SDK2: variants seen among roughly 807,000 people sequenced by gnomAD.
The protein encoded by SDK2 is protein sidekick-2.
SDK2 carries 105 observed loss-of-function variants against 253.9 expected under a neutral mutation model. The ratio of observed to expected loss-of-function variants is 0.41; its 90% CI spans 0.35 to 0.49. The LOEUF is 0.49. SDK2 is among the 20% of genes least tolerant of loss of function. The pLI is 0.06. For missense variants in SDK2, 2,608 were observed against 3,003.0 expected (o/e 0.87, Z 3.07); for synonymous variants, 1,249 against 1,234.9 (o/e 1.01, Z -0.24).
intron 5 of SDK2, among the ~76,000 whole-genome samples, chr17:73,445,600 C>T (rs944291213): frequency 6.6e-6 from 1 of 151,866 alleles, no homozygotes; most frequent in East Asian, 1.9e-4. Flanking sequence ...GGAAGCGGTG[C>T]GGAGGGGAGA....
intron 40 of SDK2, among the ~76,000 whole-genome samples, chr17:73,353,126 TTCTTTTTATTAAAATA>T (rs1490849745): frequency 6.6e-6 from 1 of 152,068 alleles, no homozygotes; most frequent in Non-Finnish European, 1.5e-5. Context: ...ATCTCTTTTA[TTCTTTTTATTAAAATA>T]TCTGTACTAC....
chr17:73,340,940 C>T (rs544266643), intron 44 of SDK2, among the ~76,000 whole-genome samples: 2 of 151,264 alleles, frequency 1.3e-5, no homozygotes, highest in South Asian at 2.1e-4. Context: ...GATGGGGTTT[C>T]GCCATGTTGG....
intron 3 of SDK2, among the ~76,000 whole-genome samples, chr17:73,464,664 T>C (rs1362288305): frequency 2.0e-5 from 3 of 152,224 alleles, no homozygotes; most frequent in Non-Finnish European, 4.4e-5. Flanking sequence ...CCTTTGCACC[T>C]GCTATCTGAC....
rs1344713241 is a variant in SDK2 at position 73,455,877 on chromosome 17, TC to T, written c.479+28del. 1 of 851,340 alleles carries T rather than the reference TC, an allele frequency of 1.2e-6. No individual in the cohort carries two copies. 52.7% of individuals were successfully genotyped at this position (851,340 alleles called of 1,614,324 possible). ...CCTCCTCCCCCAGACACCCCTCCCC[TC>T]CCCGTCCCCTCAGAGCGATGCACTC... On this transcript the variant is annotated intron_variant, in intron 4 of 44. Coordinates refer to ENST00000392650, the MANE Select transcript of SDK2 (RefSeq NM_001144952.2). This position sits in a 1 kb window ranked among gnomAD's most constrained non-coding sequence, Gnocchi z 5.0.
intron 2 of SDK2, among the ~76,000 whole-genome samples, chr17:73,485,839 A>G (rs760067920): frequency 6.6e-6 from 1 of 152,244 alleles, no homozygotes; most frequent in Admixed American, 6.5e-5. Context: ...TGGCCTGTGA[A>G]CCCTCAAACA....
chr17:73,390,538 C>T, intron 28 of SDK2, 57 bp from the exon 29 acceptor site: 1 of 1,523,264 alleles, frequency 6.6e-7, no homozygotes, highest in South Asian at 1.3e-5. Context: ...CTCCTAGGGC[C>T]CCGGGAAGGG....
intron 2 of SDK2, among the ~76,000 whole-genome samples, chr17:73,503,031 A>C (rs1422688147): frequency 1.3e-5 from 2 of 152,228 alleles, no homozygotes; most frequent in African/African-American, 4.8e-5. Flanking sequence ...AATCATGAGG[A>C]TATAACTGGA....
At chr17:73,425,282 G>A (rs909333814) in intron 12 of SDK2, among the ~76,000 whole-genome samples, 2 of 151,988 alleles carry the variant, frequency 1.3e-5, no homozygotes, top group Admixed American at 6.6e-5. Context: ...TAAAAAGTAC[G>A]GGTAAGAAAA....
At chr17:73,560,908 G>A (rs1320895697) in intron 1 of SDK2, among the ~76,000 whole-genome samples, 1 of 152,208 alleles carries the variant, frequency 6.6e-6, no homozygotes, top group East Asian at 1.9e-4. Context: ...ACTTGTGGCA[G>A]GAGACAGGAT....
chr17:73,366,105 G>A (rs985649676), intron 37 of SDK2, among the ~76,000 whole-genome samples: 1 of 152,172 alleles, frequency 6.6e-6, no homozygotes, highest in Admixed American at 6.5e-5. Context: ...ATTATTGTCC[G>A]GCGCTGCCTC....
Position 73,438,013 on chromosome 17 carries a change from G to A in SDK2, c.867C>T (p.Arg289=). ...AGYYECEAVL[R]SSSVPSVVRG... is the part of the protein sequence containing the mutation. ...GGACAACAGAGGGGACGCTGCTGCT[G>A]CGCAGGACAGCCTCACACTCGTAGT... Residue 289 remains arginine, a synonymous_variant, in exon 7 of 45, where the codon CGC becomes CGT. Coordinates refer to ENST00000392650, the MANE Select transcript of SDK2 (RefSeq NM_001144952.2). 6.4e-7 allele frequency: 1 copy of A among 1,551,516 alleles called. No homozygotes were observed. Among genetic ancestry groups the A allele is most frequent in the South Asian group, 1.2e-5 (1 of 84,088 alleles).
Position 73,565,383 on chromosome 17 carries a change from G to C in SDK2, c.65-57786C>G, listed in dbSNP as rs140896809. On this transcript the variant is annotated intron_variant, in intron 1 of 44. Coordinates refer to ENST00000392650, the MANE Select transcript of SDK2 (RefSeq NM_001144952.2). ...AGCAAGTTTGGAGTTTGAGTGCAGG[G>C]AAGTTACCTGTTTGCTAAAAAACAT... is the stretch of plus-strand genomic sequence containing the variant. 5.3e-5 allele frequency among the ~76,000 whole-genome samples: 8 copies of C among 152,306 alleles called. 1 individual carries two copies. Among genetic ancestry groups the C allele is most frequent in the African/African-American group, 1.7e-4 (7 of 41,560 alleles).
At chr17:73,463,617 C>T (rs1039475209) in intron 3 of SDK2, among the ~76,000 whole-genome samples, 1 of 152,100 alleles carries the variant, frequency 6.6e-6, no homozygotes, top group African/African-American at 2.4e-5. Flanking sequence ...CCTAGAGATG[C>T]AAACTTACAC....
intron 12 of SDK2, among the ~76,000 whole-genome samples, chr17:73,427,671 C>T (rs2063294373): frequency 7.7e-6 from 1 of 129,370 alleles, no homozygotes; most frequent in Non-Finnish European, 1.6e-5. Flanking sequence ...AATCTAGACA[C>T]AGATCTTACA....
intron 8 of SDK2, 31 bp downstream of exon 8, chr17:73,437,706 CTT>C: frequency 6.4e-7 from 1 of 1,566,162 alleles, no homozygotes; most frequent in South Asian, 1.1e-5. Flanking sequence ...GATCTGGGGT[CTT>C]TGTCCCCCTC....
At chr17:73,436,303 G>A (rs933677874) in intron 8 of SDK2, among the ~76,000 whole-genome samples, 8 of 151,310 alleles carry the variant, frequency 5.3e-5, no homozygotes, top group African/African-American at 1.5e-4. Context: ...GGGCTGGGCC[G>A]TGGTGGCTCA....
At chr17:73,456,479 C>T (rs942034112) in intron 3 of SDK2, among the ~76,000 whole-genome samples, 4 of 152,168 alleles carry the variant, frequency 2.6e-5, no homozygotes, top group African/African-American at 4.8e-5. Context: ...ACAGTGTGCC[C>T]TTCAGCATGG....
chr17:73,542,994 G>A (rs2044894245), intron 1 of SDK2, among the ~76,000 whole-genome samples: 1 of 152,140 alleles, frequency 6.6e-6, no homozygotes, highest in African/African-American at 2.4e-5. Flanking sequence ...GGCCACACAA[G>A]TTCTAGGCCA....
At chr17:73,617,954 C>T (rs950025742) in intron 1 of SDK2, among the ~76,000 whole-genome samples, 1 of 152,124 alleles carries the variant, frequency 6.6e-6, no homozygotes, top group African/African-American at 2.4e-5. Flanking sequence ...CAAAACAGAA[C>T]AAAGAAAAAC....
Sources: gnomAD v4.1 joint callset for allele counts (sites outside exome capture counted in the v4.1 genomes callset) on GRCh38, gnomAD v4.1.1 for gene constraint, Gnocchi (gnomAD v3.1) non-coding constraint, MANE v1.5 for transcripts, NCBI Gene and HGNC (gene_info 2026-07-23, HGNC 2026-07-21) for gene names.